Variants in SLC5A5 observed in about 807,000 individuals in gnomAD.
The protein encoded by SLC5A5 is solute carrier family 5 member 5.
A neutral mutation model predicts 68.6 loss-of-function variants in SLC5A5; 56 were observed. The observed-to-expected ratio is 0.82, with a 90% CI of 0.66 to 1.02. The LOEUF is 1.02. SLC5A5 is among the 50% of genes least tolerant of loss of function. SLC5A5 has a pLI of 0.00. For synonymous variants in SLC5A5, 398 were observed against 373.0 expected (o/e 1.07, Z -0.77); for missense variants, 807 against 859.8 (o/e 0.94, Z 0.77).
rs758962984 is a variant in SLC5A5, at chr19:17,883,634, C to A, written c.1243-47C>A. Reference sequence around the variant, plus strand: ...CCAGCGGGTAAACTGAGGCCCAGAGCGGTGGGAGGGCTCCGCCCTCAGCCC... The same window carrying A: ...CCAGCGGGTAAACTGAGGCCCAGAGAGGTGGGAGGGCTCCGCCCTCAGCCC... On this transcript the variant is annotated intron_variant, in intron 10 of 14. Transcript: ENST00000222248. 2.1e-5 allele frequency: 31 copies of A among 1,475,528 alleles called. No homozygotes were observed. In the South Asian group the frequency reaches 2.8e-4, roughly 13 times the overall value. 91.4% of individuals were successfully genotyped at this position (1,475,528 alleles called of 1,614,324 possible).
At chr19:17,883,621 CTG>C in intron 10 of SLC5A5, 58 bp from the exon 11 acceptor site, 1 of 1,385,314 alleles carries the variant, frequency 7.2e-7, no homozygotes, top group African/African-American at 1.4e-5. Flanking sequence ...AGCGGGTAAA[CTG>C]AGGCCCAGAG....
intron 4 of SLC5A5, among the ~76,000 whole-genome samples, chr19:17,875,496 C>T (rs1352226772): frequency 2.6e-5 from 4 of 152,082 alleles, no homozygotes; most frequent in African/African-American, 4.8e-5. Flanking sequence ...GGCACAGTGG[C>T]TCATACCTGT....
chr19:17,880,963 C>G lies in SLC5A5; in HGVS notation c.1058+10C>G, dbSNP rs760009733. The G allele has an allele frequency of 1.2e-6, 2 of 1,602,778 alleles. No homozygotes were observed. Among genetic ancestry groups the G allele is most frequent in the Admixed American group, 1.7e-5 (1 of 59,968 alleles). The stretch of plus-strand genomic sequence containing the variant: ...ACAGTGGCACCCTCAGGTGAGCACC[C>G]CTGCTTGTTCATGGAGCATTATTTC... On this transcript the variant is annotated intron_variant, in intron 8 of 14. Coordinates refer to ENST00000222248, the MANE Select transcript of SLC5A5 (RefSeq NM_000453.3).
At chr19:17,891,152 C>A in intron 14 of SLC5A5, 151 bp downstream of exon 14, 2 of 703,134 alleles carry the variant, frequency 2.8e-6, no homozygotes, top group Non-Finnish European at 5.2e-6. Flanking sequence ...GATTCATCCT[C>A]AACAGTTTTT....
rs1483007838 is a variant in SLC5A5 at position 17,872,536 on chromosome 19, G to T, written c.217G>T (p.Val73Leu). Residue 73 changes from valine to leucine, a missense_variant, in exon 1 of 15, where the codon GTG (valine) becomes TTG (leucine). Val to Leu is a conservative substitution (Grantham distance 32). Transcript: ENST00000222248. The part of the protein sequence containing the change: ...LSASFMSAVQ[V>L]LGVPSEAYRY... ...TGCCAGCTTCATGTCGGCCGTGCAG[G>T]TGCTGGGCGTGCCGTCGGAGGCCTA... is the stretch of plus-strand genomic sequence containing the variant. The T allele has an allele frequency of 1.2e-5, 20 of 1,612,762 alleles. No homozygotes were observed. The highest frequency in any genetic ancestry group is 1.7e-5 in the Non-Finnish European group (20 of 1,179,898).
intron 5 of SLC5A5, among the ~76,000 whole-genome samples, chr19:17,876,688 TC>T (rs1230311778): frequency 6.6e-6 from 1 of 151,894 alleles, no homozygotes; most frequent in Non-Finnish European, 1.5e-5. Context: ...TTGATGAAAG[TC>T]CGTCTTTACT....
chr19:17,882,479 G>A (rs2094322921), intron 10 of SLC5A5, among the ~76,000 whole-genome samples: 1 of 151,326 alleles, frequency 6.6e-6, no homozygotes, highest in Non-Finnish European at 1.5e-5. Flanking sequence ...GGAGTTACAG[G>A]TGTGTGCCAC....
chr19:17,881,251 A>G (rs961606593), intron 8 of SLC5A5, among the ~76,000 whole-genome samples: 1 of 150,826 alleles, frequency 6.6e-6, no homozygotes, highest in Non-Finnish European at 1.5e-5. Context: ...AACATCTACT[A>G]TGTGGCAGGT....
At chr19:17,892,695 A>AGAGAGAGAGAGAGAGAGAGAGC (rs528009112) in intron 14 of SLC5A5, among the ~76,000 whole-genome samples, 3 of 148,718 alleles carry the variant, frequency 2.0e-5, no homozygotes, top group East Asian at 4.4e-4. Context: ...AGAGAGAGAG[A>AGAGAGAGAGAGAGAGAGAGAGC]GAGCAAGCTA....
In SLC5A5 at chr19:17,872,612, C is replaced by T; in HGVS notation, c.293C>T (p.Ser98Leu). 6.2e-7 allele frequency: 1 copy of T among 1,612,070 alleles called. No homozygotes were observed. Among genetic ancestry groups the T allele is most frequent in the Non-Finnish European group, 8.5e-7 (1 of 1,179,708 alleles). Residue 98 changes from serine (S) to leucine (L), a missense_variant, in exon 1 of 15, where the codon TCG becomes TTG. By Grantham distance (145) the Ser-to-Leu change is moderately radical. Coordinates refer to ENST00000222248, the MANE Select transcript of SLC5A5 (RefSeq NM_000453.3). ...ATGTGCCTGGGCCAGCTTCTGAACT[C>T]GGTCCTCACCGCCCTGCTCTTCATG... is the stretch of plus-strand genomic sequence containing the variant. ...LWMCLGQLLN[S>L]VLTALLFMPV...
At chr19:17,888,549 A>G (rs1272463677) in intron 13 of SLC5A5, 94 bp downstream of exon 13, 2 of 1,300,696 alleles carry the variant, frequency 1.5e-6, no homozygotes, top group South Asian at 2.4e-5. Context: ...GGACGCTCCC[A>G]TTGGCCAAAC....
chr19:17,878,556 A>T (rs1287441348), intron 7 of SLC5A5, among the ~76,000 whole-genome samples: 1 of 152,020 alleles, frequency 6.6e-6, no homozygotes, highest in East Asian at 1.9e-4. Context: ...TCTGCAAGGA[A>T]TGGGAAAGGT....
rs59801766 is a variant in SLC5A5, at chr19:17,888,617, T to TATCATC, written c.1651+186_1651+191dup. 2.3e-5 allele frequency among the ~76,000 whole-genome samples: 3 copies of TATCATC among 131,488 alleles called. 1 individual carries two copies. Among genetic ancestry groups the TATCATC allele is most frequent in the East Asian group, 2.0e-4 (1 of 4,932 alleles). 86.3% of individuals were successfully genotyped at this position (131,488 alleles called of 152,430 possible). A position where few individuals can be genotyped will look rare whatever the true frequency, so the allele number is the denominator to read the frequency against. ...TTATTATTATTATTATTATTATTAT[T>TATCATC]ATCATCATCATCATCATCATCATCA... is the stretch of plus-strand genomic sequence containing the variant. On this transcript the variant is annotated intron_variant, in intron 13 of 14. Transcript: ENST00000222248.
chr19:17,885,456 T>A (rs115527059), intron 12 of SLC5A5, among the ~76,000 whole-genome samples: 2,027 of 152,074 alleles, frequency 0.013, 37 homozygotes, highest in African/African-American at 0.045. Flanking sequence ...CACAGCTCAC[T>A]GCACCATTGA....
At chr19:17,879,773 G>A (rs113794764) in intron 7 of SLC5A5, among the ~76,000 whole-genome samples, 312 of 152,272 alleles carry the variant, frequency 2.0e-3, no homozygotes, top group African/African-American at 7.2e-3. Context: ...AGGATGACAC[G>A]GGTCCCTGCT....
At chr19:17,873,334 A>C (rs575525635) in intron 1 of SLC5A5, among the ~76,000 whole-genome samples, 30 of 151,624 alleles carry the variant, frequency 2.0e-4, no homozygotes, top group African/African-American at 7.0e-4. Context: ...GGTGGTGGGC[A>C]CCTGTAATCC....
chr19:17,880,991 C>T (rs2094319617), intron 8 of SLC5A5, 38 bp downstream of exon 8: 2 of 1,468,260 alleles, frequency 1.4e-6, no homozygotes, highest in Non-Finnish European at 1.9e-6. Context: ...ATTATTTCAG[C>T]CCCTGGGAGC....
At chr19:17,893,322 T>C (rs2030272234) in intron 14 of SLC5A5, among the ~76,000 whole-genome samples, 1 of 151,982 alleles carries the variant, frequency 6.6e-6, no homozygotes, top group African/African-American at 2.4e-5. Context: ...AGGCTGGTCT[T>C]AAACTCCTGG....
intron 12 of SLC5A5, among the ~76,000 whole-genome samples, chr19:17,887,606 T>A (rs1401826592): frequency 6.7e-6 from 1 of 148,194 alleles, no homozygotes; most frequent in Non-Finnish European, 1.5e-5. Context: ...AATTTTTTTT[T>A]TTTTTTTTTG....
Sources: gnomAD v4.1 joint callset for allele counts (sites outside exome capture counted in the v4.1 genomes callset) on GRCh38, gnomAD v4.1.1 for gene constraint, MANE v1.5 for transcripts, NCBI Gene and HGNC (gene_info 2026-07-23, HGNC 2026-07-21) for gene names.